The following ATE1 variants were observed in gnomAD, a reference collection of about 807,000 sequenced individuals.
ATE1 encodes arginyltransferase 1.
A neutral mutation model predicts 70.5 loss-of-function variants in ATE1; 36 were observed. The observed-to-expected ratio is 0.51, with a 90% confidence interval of 0.39 to 0.67. The LOEUF is 0.67. Ranked by LOEUF, ATE1 falls within the 30% of genes least tolerant of loss-of-function variation. The probability of loss-of-function intolerance (pLI) is 0.00; values close to 1 mark genes in which losing one functional copy is unlikely to be tolerated. For missense variants in ATE1, 593 were observed against 629.5 expected, an observed-to-expected ratio of 0.94 and a Z score of 0.62; for synonymous variants, 232 against 219.3, an observed-to-expected ratio of 1.06 and a Z score of -0.51.
intron 10 of ATE1, among the ~76,000 whole-genome samples, chr10:121,803,094 T>A (rs920178172): frequency 6.6e-6 from 1 of 152,190 alleles, no homozygotes; most frequent in Non-Finnish European, 1.5e-5. Flanking sequence ...TTATATGCTG[T>A]GTTTCTCTTA....
At position 121,791,343 on chromosome 10, in the gene ATE1, C is replaced by A. The variant is rs183127815; in HGVS notation, c.1258-1054G>T. 7.2e-3 allele frequency among the ~76,000 whole-genome samples: 1,088 copies of A among 152,090 alleles called. 2 individuals carry two copies. Among genetic ancestry groups the A allele is most frequent in the South Asian group, 0.016 (76 of 4,802 alleles). On this transcript the variant is annotated intron_variant, in intron 10 of 11. Transcript: ENST00000224652. ...TCCTGACCTCAGGTGATCCGCCCAC[C>A]TCAGCCTCCCAAAGTGCTGGGATTA...
intron 7 of ATE1, among the ~76,000 whole-genome samples, chr10:121,879,495 C>G (rs543301626): frequency 6.6e-6 from 1 of 152,320 alleles, no homozygotes; most frequent in East Asian, 1.9e-4. Context: ...GTTCCCTATG[C>G]TACATCCTCA....
intron 10 of ATE1, among the ~76,000 whole-genome samples, chr10:121,825,986 C>T (rs900289314): frequency 2.0e-5 from 3 of 152,140 alleles, no homozygotes; most frequent in African/African-American, 7.2e-5. Context: ...GTTATTCAGC[C>T]TTAAAGAGGA....
intron 10 of ATE1, among the ~76,000 whole-genome samples, chr10:121,827,867 T>G (rs1463862287): frequency 1.3e-5 from 2 of 152,144 alleles, no homozygotes; most frequent in African/African-American, 4.8e-5. Flanking sequence ...AACCAAAAAA[T>G]TCAACAAAAG....
intron 8 of ATE1, among the ~76,000 whole-genome samples, chr10:121,866,585 C>T (rs527673614): frequency 6.6e-6 from 1 of 152,226 alleles, no homozygotes; most frequent in African/African-American, 2.4e-5. Flanking sequence ...CAGTGGCTCA[C>T]ACCTGTAATT....
intron 8 of ATE1, among the ~76,000 whole-genome samples, chr10:121,859,593 T>C (rs1432689960): frequency 6.6e-6 from 1 of 152,146 alleles, no homozygotes; most frequent in African/African-American, 2.4e-5. Context: ...GTTCAGGCCA[T>C]ATTAAGGGCA....
intron 10 of ATE1, among the ~76,000 whole-genome samples, chr10:121,828,353 CTTA>C (rs1948107996): frequency 6.6e-6 from 1 of 152,282 alleles, no homozygotes; most frequent in South Asian, 2.1e-4. Flanking sequence ...TAAACAATAA[CTTA>C]TTATTCCTCA....
chr10:121,830,368 T>C (rs1488042074), intron 10 of ATE1, among the ~76,000 whole-genome samples: 1 of 152,132 alleles, frequency 6.6e-6, no homozygotes, highest in Non-Finnish European at 1.5e-5. Context: ...CAGGTTACTA[T>C]AAATAAACCC....
At chr10:121,918,784 G>A (rs139067649) in intron 3 of ATE1, among the ~76,000 whole-genome samples, 16 of 148,108 alleles carry the variant, frequency 1.1e-4, no homozygotes, top group Non-Finnish European at 1.9e-4. Flanking sequence ...CCAATCCAAC[G>A]GCCAGCTGGA....
chr10:121,742,193 C>A lies in ATE1; in HGVS notation c.*1487G>T, dbSNP rs141305611. 6.6e-6 allele frequency: 1 copy of A among 152,300 alleles called. No individual in the cohort carries two copies. Among genetic ancestry groups the A allele is most frequent in the Non-Finnish European group, 1.5e-5 (1 of 68,030 alleles). The allele number at this position is 152,300 out of a possible 1,614,324, so 9.4% of individuals were successfully genotyped here. A position where few individuals can be genotyped will look rare whatever the true frequency, so the allele number is the denominator to read the frequency against. On this transcript the variant is annotated 3_prime_UTR_variant, in exon 12 of 12. Transcript: ENST00000224652. ...CACACACACTCTGAATGAAGAAATG[C>A]GGCTGACTTGGATGTTGAGTTTCTA...
intron 11 of ATE1, among the ~76,000 whole-genome samples, chr10:121,745,931 G>C (rs1944352253): frequency 6.6e-6 from 1 of 152,164 alleles, no homozygotes; most frequent in South Asian, 2.1e-4. Flanking sequence ...AAGGAAGATA[G>C]ACTGTTAAGT....
intron 11 of ATE1, among the ~76,000 whole-genome samples, chr10:121,763,710 G>A (rs181713671): frequency 9.2e-5 from 14 of 152,000 alleles, no homozygotes; most frequent in African/African-American, 3.4e-4. Flanking sequence ...CCCAGAGAAC[G>A]GACAACACAA....
chr10:121,779,127 T>C (rs952696081), intron 11 of ATE1, among the ~76,000 whole-genome samples: 2 of 152,210 alleles, frequency 1.3e-5, no homozygotes, highest in African/African-American at 4.8e-5. Flanking sequence ...CTCCAATTCT[T>C]TGACCTTTCT....
intron 11 of ATE1, among the ~76,000 whole-genome samples, chr10:121,785,642 A>G (rs1164725787): frequency 2.0e-5 from 3 of 152,180 alleles, no homozygotes; most frequent in African/African-American, 7.2e-5. Context: ...AACACAATAT[A>G]GATTAGAACC....
In ATE1 at chr10:121,907,253, G is replaced by A. The variant is rs183960746; in HGVS notation, c.583+3653C>T. Among the ~76,000 whole-genome samples, 325 of 151,980 alleles carry A rather than the reference G, an allele frequency of 2.1e-3. 5 individuals are homozygous for A. The highest frequency in any genetic ancestry group is 0.015 in the Admixed American group (223 of 15,258). ...GTGGATCACTTGAGGCCAGGAGTTC[G>A]AGACCAGCCTGGCCAACATGGCAAA... On this transcript the variant is annotated intron_variant, in intron 5 of 11. Coordinates refer to ENST00000224652, the MANE Select transcript of ATE1 (RefSeq NM_001001976.3).
chr10:121,771,034 G>A (rs140985791), intron 11 of ATE1, among the ~76,000 whole-genome samples: 16 of 152,186 alleles, frequency 1.1e-4, no homozygotes, highest in African/African-American at 3.4e-4. Flanking sequence ...ACAAAAAGCT[G>A]AGGTAACTGA....
chr10:121,839,404 T>C (rs549808321), intron 9 of ATE1, among the ~76,000 whole-genome samples: 1 of 152,194 alleles, frequency 6.6e-6, no homozygotes, highest in Non-Finnish European at 1.5e-5. Flanking sequence ...TAGAAAAATC[T>C]ATAACACATT....
At chr10:121,912,280 A>G (rs1019528613) in intron 4 of ATE1, among the ~76,000 whole-genome samples, 1 of 152,168 alleles carries the variant, frequency 6.6e-6, no homozygotes, top group South Asian at 2.1e-4. Context: ...TAATGAGTAC[A>G]TCACTCCTAG....
rs1564977228 is a variant in ATE1 at position 121,927,929 on chromosome 10, A to G, written c.21T>C (p.Gly7=). The G allele has an allele frequency of 6.4e-7, 1 of 1,572,020 alleles. No homozygotes were observed. The highest frequency in any genetic ancestry group is 1.2e-5 in the South Asian group (1 of 86,160). The change falls in exon 1 of 12, where the codon GGT becomes GGC. Residue 7 remains glycine (G), a synonymous_variant. Transcript: ENST00000224652. MAFWAG[G]SPSVVDYFPS... is the part of the protein sequence containing the mutation. ...GGAAATAGTCCACGACGCTGGGCGA[A>G]CCCCCCGCCCAGAAAGCCATGGCCT...
Sources: gnomAD v4.1 joint callset for allele counts (sites outside exome capture counted in the v4.1 genomes callset) on GRCh38, gnomAD v4.1.1 for gene constraint, MANE v1.5 for transcripts, NCBI Gene and HGNC (gene_info 2026-07-23, HGNC 2026-07-21) for gene names.